DPP6: variants seen among roughly 807,000 people sequenced by gnomAD.
DPP6 encodes the protein dipeptidyl peptidase like 6.
DPP6 carries 69 observed loss-of-function variants against 122.6 expected under a neutral mutation model. The observed-to-expected ratio is 0.56, with a 90% CI of 0.46 to 0.69. The LOEUF (loss-of-function observed/expected upper bound fraction) is 0.69, where lower values mean the gene tolerates loss of function less well. Among genes scored for constraint, DPP6 ranks in the 30% least tolerant of loss-of-function variants. DPP6 has a pLI of 0.00. For synonymous variants in DPP6, 418 were observed against 433.1 expected, an observed-to-expected ratio of 0.97 and a Z score of 0.43; for missense variants, 928 against 1,116.9, an observed-to-expected ratio of 0.83 and a Z score of 2.41.
chr7:154,472,866 A>T (rs1049499062), intron 2 of DPP6, among the ~76,000 whole-genome samples: 9 of 146,344 alleles, frequency 6.1e-5, no homozygotes, highest in Admixed American at 5.5e-4. Context: ...CTTTCCCTAT[A>T]TAGAAGTCTT....
chr7:154,543,464 G>C (rs942549599), intron 4 of DPP6, among the ~76,000 whole-genome samples: 2 of 152,154 alleles, frequency 1.3e-5, no homozygotes, highest in Admixed American at 6.5e-5. Flanking sequence ...CAGGTGGATG[G>C]AAGGGCCTGC....
chr7:154,014,761 G>A (rs139106346), intron 1 of DPP6, among the ~76,000 whole-genome samples: 99 of 152,100 alleles, frequency 6.5e-4, no homozygotes, highest in Middle Eastern at 6.8e-3. Context: ...ACCCCTCCAC[G>A]TTCTAAAAAC....
chr7:153,886,161 G>A (rs1050507267), upstream of DPP6, among the ~76,000 whole-genome samples: 17 of 136,824 alleles, frequency 1.2e-4, no homozygotes, highest in African/African-American at 4.5e-4. Flanking sequence ...ACAGCCTGAT[G>A]TGTCTATCAG....
At chr7:154,792,871 T>G (rs1797771915) in intron 10 of DPP6, among the ~76,000 whole-genome samples, 1 of 152,234 alleles carries the variant, frequency 6.6e-6, no homozygotes, top group Non-Finnish European at 1.5e-5. Flanking sequence ...CCTCCCCTCC[T>G]GGCCATGCGC....
intron 6 of DPP6, among the ~76,000 whole-genome samples, chr7:154,643,717 C>G (rs190917726): frequency 6.6e-6 from 1 of 152,050 alleles, no homozygotes; most frequent in Non-Finnish European, 1.5e-5. Flanking sequence ...ATCTGCCCAC[C>G]TCGGCCTCCC....
chr7:154,335,066 T>C (rs1809284726), intron 1 of DPP6, among the ~76,000 whole-genome samples: 1 of 152,194 alleles, frequency 6.6e-6, no homozygotes, highest in Non-Finnish European at 1.5e-5. Flanking sequence ...TTTCAATGCT[T>C]AAGCGTGGAA....
intron 1 of DPP6, among the ~76,000 whole-genome samples, chr7:154,100,429 G>C (rs1805651256): frequency 1.3e-5 from 1 of 76,466 alleles, no homozygotes; most frequent in Admixed American, 1.5e-4. Flanking sequence ...AGACTTTTCT[G>C]GATGATTCGC....
intron 1 of DPP6, among the ~76,000 whole-genome samples, chr7:153,971,008 G>A (rs1352474633): frequency 3.3e-5 from 5 of 152,074 alleles, no homozygotes; most frequent in Non-Finnish European, 7.4e-5. Flanking sequence ...TAAGTTTGAC[G>A]ATTTCTGCAG....
intron 6 of DPP6, 118 bp from the exon 7 acceptor site, chr7:154,669,242 A>G: frequency 6.8e-7 from 1 of 1,468,764 alleles, no homozygotes; most frequent in Non-Finnish European, 9.2e-7. Context: ...AAGCTCTTGA[A>G]ATGGATACCA....
intron 1 of DPP6, among the ~76,000 whole-genome samples, chr7:154,327,195 A>C (rs1007082666): frequency 1.3e-5 from 2 of 152,146 alleles, no homozygotes; most frequent in Non-Finnish European, 2.9e-5. Context: ...AAAGACTTGG[A>C]ATGATGGGTG....
intron 7 of DPP6, among the ~76,000 whole-genome samples, chr7:154,707,276 G>T (rs772332279): frequency 2.6e-5 from 4 of 152,128 alleles, no homozygotes; most frequent in Non-Finnish European, 5.9e-5. Context: ...TAAATTATCT[G>T]CTTTCATCCT....
chr7:154,793,601 A>G (rs1287233265), intron 10 of DPP6: 2 of 152,818 alleles, frequency 1.3e-5, no homozygotes, highest in Non-Finnish European at 2.9e-5. Flanking sequence ...AGCCTTCAAC[A>G]GCCCAGGCTG....
Position 154,014,115 on chromosome 7 carries a change from G to A in DPP6, c.51+126381G>A, listed in dbSNP as rs3864492. ...CTTTTGACTGAAGCTGACTTAATGTGTTTGAGAAAGCAGGGCTAAAATAAA... is the reference window on the plus strand; with the variant it reads ...CTTTTGACTGAAGCTGACTTAATGTATTTGAGAAAGCAGGGCTAAAATAAA... On this transcript the variant is annotated intron_variant, in intron 1 of 25. Transcript: ENST00000404039. Among the ~76,000 whole-genome samples the A allele has an allele frequency of 4.7e-4, 70 of 148,398 alleles. 1 individual carries two copies. In the South Asian group the frequency reaches 5.3e-3, roughly 11 times the overall value.
intron 17 of DPP6, among the ~76,000 whole-genome samples, chr7:154,864,884 T>A (rs941913813): frequency 1.3e-5 from 2 of 152,208 alleles, no homozygotes; most frequent in African/African-American, 4.8e-5. Flanking sequence ...ACGGGCTGTT[T>A]GGTGGCCAGC....
At chr7:154,679,794 C>T (rs1012047509) in intron 7 of DPP6, among the ~76,000 whole-genome samples, 1 of 152,064 alleles carries the variant, frequency 6.6e-6, no homozygotes, top group African/African-American at 2.4e-5. Context: ...TGACAGTAGC[C>T]AAGAAATTAA....
At chr7:153,906,084 A>G (rs1799836941) in intron 1 of DPP6, among the ~76,000 whole-genome samples, 1 of 152,234 alleles carries the variant, frequency 6.6e-6, no homozygotes, top group Non-Finnish European at 1.5e-5. Flanking sequence ...CTCAGCTTTT[A>G]TGAAGAAATC....
intron 1 of DPP6, among the ~76,000 whole-genome samples, chr7:154,265,958 A>G (rs1407937486): frequency 6.6e-6 from 1 of 152,200 alleles, no homozygotes; most frequent in Non-Finnish European, 1.5e-5. Flanking sequence ...GTCTAGAAAT[A>G]ACTTGGGTGT....
chr7:154,326,736 A>G (rs1307940540), intron 1 of DPP6, among the ~76,000 whole-genome samples: 4 of 152,224 alleles, frequency 2.6e-5, no homozygotes, highest in Non-Finnish European at 5.9e-5. Flanking sequence ...TTTCCCCATA[A>G]TAATTTTTTC....
At chr7:153,801,637 G>A in the DPP6 span, among the ~76,000 whole-genome samples, 32 of 152,298 alleles carry the variant, frequency 2.1e-4, no homozygotes, top group Admixed American at 5.9e-4. Flanking sequence ...TGGCAACAGA[G>A]GAGCCTCAGA....
Sources: allele counts gnomAD v4.1 joint callset (sites outside exome capture counted in the v4.1 genomes callset), GRCh38; gene constraint gnomAD v4.1.1; transcripts MANE v1.5; gene names NCBI Gene and HGNC (gene_info 2026-07-23, HGNC 2026-07-21).